Variants in KCNQ1 observed in about 807,000 individuals in gnomAD.
The protein encoded by KCNQ1 is potassium voltage-gated channel subfamily Q member 1.
KCNQ1 carries 49 observed loss-of-function variants against 72.4 expected under a neutral mutation model. The observed-to-expected ratio is 0.68, with a 90% CI of 0.54 to 0.86. The LOEUF is 0.86. Among genes scored for constraint, KCNQ1 ranks in the 40% least tolerant of loss-of-function variants. The pLI is 0.00. For synonymous variants in KCNQ1, 450 were observed against 412.6 expected (o/e 1.09, Z -1.10); for missense variants, 790 against 945.1 (o/e 0.84, Z 2.15).
chr11:2,666,082 T>C (rs1850061751), intron 11 of KCNQ1: 2 of 398,640 alleles, frequency 5.0e-6, no homozygotes, highest in East Asian at 7.1e-5. Context: ...CTGCAGCCTA[T>C]GGCTCTGCCC....
chr11:2,765,493 A>ATG (rs1393971007), intron 11 of KCNQ1, among the ~76,000 whole-genome samples: 47 of 152,346 alleles, frequency 3.1e-4, no homozygotes, highest in Admixed American at 2.8e-3. Flanking sequence ...AGTGTTCTGT[A>ATG]TATGTCAAGT....
chr11:2,548,111 C>G (rs1847926002), intron 2 of KCNQ1, among the ~76,000 whole-genome samples: 1 of 152,160 alleles, frequency 6.6e-6, no homozygotes, highest in Non-Finnish European at 1.5e-5. Flanking sequence ...CTTAACGCCG[C>G]CCCTCTGACT....
chr11:2,591,265 C>G (rs1217891685), intron 10 of KCNQ1, among the ~76,000 whole-genome samples: 1 of 152,236 alleles, frequency 6.6e-6, no homozygotes, highest in Non-Finnish European at 1.5e-5. Context: ...GGGTGGTGTT[C>G]CCTGCCCCTT....
rs116757446 is a variant in KCNQ1, at chr11:2,551,815, C to T, written c.478-18813C>T. ...CATCCTAAAGGCTGGAGCCATATTC[C>T]GTCATGGTCTTCATTTGCATTTCCC... is the stretch of plus-strand genomic sequence containing the variant. On this transcript the variant is annotated intron_variant, in intron 2 of 15. Coordinates refer to ENST00000155840, the MANE Select transcript of KCNQ1 (RefSeq NM_000218.3). Among the ~76,000 whole-genome samples, 282 of 152,302 alleles carry T rather than the reference C, an allele frequency of 1.9e-3. 1 individual carries two copies. The highest frequency in any genetic ancestry group is 6.4e-3 in the African/African-American group (264 of 41,572).
chr11:2,587,475 A>G (rs746097370), intron 8 of KCNQ1, 95 bp from the exon 9 acceptor site: 11 of 1,565,924 alleles, frequency 7.0e-6, no homozygotes, highest in East Asian at 2.2e-5. Flanking sequence ...GGGAGGGGCC[A>G]GGCCTGGGGA....
intron 11 of KCNQ1, among the ~76,000 whole-genome samples, chr11:2,700,747 G>C (rs1590041304): frequency 6.6e-6 from 1 of 152,122 alleles, no homozygotes; most frequent in African/African-American, 2.4e-5. Context: ...GCGCCTGCCA[G>C]CGCCCGGCCG....
At chr11:2,528,134 C>T (rs1847544168) in intron 2 of KCNQ1, 116 bp downstream of exon 2, 3 of 906,248 alleles carry the variant, frequency 3.3e-6, no homozygotes, top group South Asian at 2.7e-5. Flanking sequence ...CTTGCCCACA[C>T]ATTGGTCCTG....
intron 11 of KCNQ1, among the ~76,000 whole-genome samples, chr11:2,742,586 A>G (rs1246922544): frequency 6.6e-6 from 1 of 152,188 alleles, no homozygotes; most frequent in Non-Finnish European, 1.5e-5. Flanking sequence ...TCAGGGGCAG[A>G]AATGCCTGGC....
chr11:2,497,980 G>T lies in KCNQ1; in HGVS notation c.387-29948G>T, dbSNP rs369838793. Among the ~76,000 whole-genome samples, 2 of 152,206 alleles carry T rather than the reference G, an allele frequency of 1.3e-5. No individual in the cohort carries two copies. Among genetic ancestry groups the T allele is most frequent in the East Asian group, 1.9e-4 (1 of 5,192 alleles). On this transcript the variant is annotated intron_variant, in intron 1 of 15. Coordinates refer to ENST00000155840, the MANE Select transcript of KCNQ1 (RefSeq NM_000218.3). The surrounding 1 kb of genome is among the most constrained non-coding windows in gnomAD (Gnocchi z 4.5). ...TGGAGGTCCACTCCAGACCCTGTTT[G>T]CCTGGGTATCACCAGTGGAGGCTGC...
intron 11 of KCNQ1, chr11:2,697,543 T>G (rs1422668548): frequency 2.5e-6 from 1 of 398,514 alleles, no homozygotes; most frequent in Non-Finnish European, 4.4e-6. Flanking sequence ...AGTCCTGGCT[T>G]GCTAAGTGGT....
chr11:2,540,355 T>G (rs1847804337), intron 2 of KCNQ1, among the ~76,000 whole-genome samples: 1 of 152,192 alleles, frequency 6.6e-6, no homozygotes, highest in South Asian at 2.1e-4. Flanking sequence ...CTTTGCAGGT[T>G]GGGGGGACAG....
At chr11:2,487,397 C>T in intron 1 of KCNQ1, among the ~76,000 whole-genome samples, 1 of 152,064 alleles carries the variant, frequency 6.6e-6, no homozygotes, top group Non-Finnish European at 1.5e-5. Flanking sequence ...ATGGGTTTTT[C>T]TATTTTTGCA....
In KCNQ1 at chr11:2,653,305, T is replaced by G. The variant is rs1163088718; in HGVS notation, c.1394-8656T>G. On this transcript the variant is annotated intron_variant, in intron 10 of 15. Coordinates refer to ENST00000155840, the MANE Select transcript of KCNQ1 (RefSeq NM_000218.3). The surrounding 1 kb of genome is among the most constrained non-coding windows in gnomAD (Gnocchi z 5.3). ...GGGGCAGTGCAGACCAGTTTAGCTA[T>G]TTTGTAACCTTGACTGCCCCCAGGC... The G allele has an allele frequency of 2.5e-6, 1 of 398,570 alleles. No homozygotes were observed. Among genetic ancestry groups the G allele is most frequent in the East Asian group, 3.6e-5 (1 of 28,080 alleles). 24.7% of individuals were successfully genotyped at this position (398,570 alleles called of 1,614,324 possible).
At chr11:2,795,037 T>G (rs1847103007) in intron 15 of KCNQ1, among the ~76,000 whole-genome samples, 1 of 152,200 alleles carries the variant, frequency 6.6e-6, no homozygotes, top group Admixed American at 6.5e-5. Flanking sequence ...GAGGGTCCTC[T>G]GCCTGTGGTT....
rs1846837058 is a variant in KCNQ1, at chr11:2,491,629, G to A, written c.387-36299G>A. Reference sequence around the variant, plus strand: ...ATTTATTGACCTTAAAGAGGAGGTAGAGAAAGAGATAGGGGTAGAAAGCTT... The same window carrying A: ...ATTTATTGACCTTAAAGAGGAGGTAAAGAAAGAGATAGGGGTAGAAAGCTT... On this transcript the variant is annotated intron_variant, in intron 1 of 15. Transcript: ENST00000155840. The surrounding 1 kb of genome is among the most constrained non-coding windows in gnomAD (Gnocchi z 4.1). Among the ~76,000 whole-genome samples the A allele has an allele frequency of 6.6e-6, 1 of 152,160 alleles. No individual in the cohort carries two copies. The highest frequency in any genetic ancestry group is 2.4e-5 in the African/African-American group (1 of 41,424).
intron 15 of KCNQ1, among the ~76,000 whole-genome samples, chr11:2,831,554 A>G (rs966095156): frequency 6.6e-6 from 1 of 151,966 alleles, no homozygotes; most frequent in African/African-American, 2.4e-5. Context: ...ATCCTTCTCT[A>G]GACTTCAGTC....
At position 2,475,922 on chromosome 11, in the gene KCNQ1, G is replaced by A. The variant is rs555062985; in HGVS notation, c.386+30438G>A. 3.3e-5 allele frequency among the ~76,000 whole-genome samples: 5 copies of A among 152,334 alleles called. No individual in the cohort carries two copies. In the East Asian group the frequency reaches 7.7e-4, roughly 23 times the overall value. On this transcript the variant is annotated intron_variant, in intron 1 of 15. Transcript: ENST00000155840. The surrounding 1 kb of genome is among the most constrained non-coding windows in gnomAD (Gnocchi z 5.8). ...CTTCCCCAGCCACATGGAACTGTAA[G>A]TCCAATTAAACCTCTTTCTTTTGTA...
intron 11 of KCNQ1, chr11:2,666,434 C>T (rs1452421704): frequency 1.5e-5 from 6 of 398,560 alleles, no homozygotes; most frequent in Non-Finnish European, 2.7e-5. Context: ...TTAGAATTTC[C>T]ATGTCTTCAA....
Position 2,708,349 on chromosome 11 carries a change from G to A in KCNQ1, c.1514+46268G>A, listed in dbSNP as rs992264732. Among the ~76,000 whole-genome samples, 4 of 152,328 alleles carry A rather than the reference G, an allele frequency of 2.6e-5. No individual in the cohort carries two copies. The East Asian group carries it at 5.8e-4, about 22-fold the overall frequency. On this transcript the variant is annotated intron_variant, in intron 11 of 15. Coordinates refer to ENST00000155840, the MANE Select transcript of KCNQ1 (RefSeq NM_000218.3). ...GGAACTTGGCAAAGCAGTGAATTGG[G>A]AGCTCACTTAGGCACGTGGTCCTGA...
Sources: gnomAD v4.1 joint callset for allele counts (sites outside exome capture counted in the v4.1 genomes callset) on GRCh38, gnomAD v4.1.1 for gene constraint, Gnocchi (gnomAD v3.1) non-coding constraint, MANE v1.5 for transcripts, NCBI Gene and HGNC (gene_info 2026-07-23, HGNC 2026-07-21) for gene names.